The following SLC13A4 variants were observed in gnomAD, a reference collection of about 807,000 sequenced individuals.
SLC13A4 encodes solute carrier family 13 member 4.
In SLC13A4, 28 loss-of-function variants were observed where a neutral mutation model predicts 72.7. That is an observed-to-expected ratio of 0.39 (90% CI 0.29 to 0.53). The LOEUF is 0.53. Among genes scored for constraint, SLC13A4 ranks in the 20% least tolerant of loss-of-function variants. The probability of loss-of-function intolerance (pLI) is 0.78; values close to 1 mark genes in which losing one functional copy is unlikely to be tolerated. For missense variants in SLC13A4, 653 were observed against 788.0 expected (o/e 0.83, Z 2.05); for synonymous variants, 312 against 325.5 (o/e 0.96, Z 0.45).
In SLC13A4 at chr7:135,691,376, G is replaced by A. The variant is rs779657615; in HGVS notation, c.1322-51C>T. ...AGATAAACCCTGATGGACGTGATTT[G>A]TGGAGACAGGAGCCTAATTGGTGAA... On this transcript the variant is annotated intron_variant, in intron 12 of 15. Coordinates refer to ENST00000682651, the MANE Select transcript of SLC13A4 (RefSeq NM_001318192.2). 3.8e-6 allele frequency: 6 copies of A among 1,584,214 alleles called. No homozygotes were observed. In the Admixed American group the frequency reaches 5.2e-5, roughly 14 times the overall value.
chr7:135,683,203 G>C (rs1795543208), intron 15 of SLC13A4: 2 of 209,138 alleles, frequency 9.6e-6, no homozygotes, highest in Admixed American at 1.4e-4. Context: ...GGAGGTTGAG[G>C]CATGAGAATC....
intron 15 of SLC13A4, among the ~76,000 whole-genome samples, chr7:135,682,916 C>T (rs920770852): frequency 1.3e-5 from 2 of 152,028 alleles, no homozygotes; most frequent in African/African-American, 4.8e-5. Context: ...GAGGGTTACG[C>T]AGTAAGATGG....
intron 2 of SLC13A4, among the ~76,000 whole-genome samples, chr7:135,711,100 TG>T (rs1796290418): frequency 6.6e-6 from 1 of 152,194 alleles, no homozygotes; most frequent in South Asian, 2.1e-4. Context: ...TCTCACTGCC[TG>T]GTTACTTTCC....
At chr7:135,724,500 G>GAAAAAAAAAAAAAAAAAAAAAAA (rs5887740) in intron 1 of SLC13A4, among the ~76,000 whole-genome samples, 1 of 94,476 alleles carries the variant, frequency 1.1e-5, no homozygotes, top group African/African-American at 4.0e-5. Flanking sequence ...CTCTGTCTCA[G>GAAAAAAAAAAAAAAAAAAAAAAA]AAAAAAAAAA....
intron 14 of SLC13A4, 39 bp from the exon 15 acceptor site, chr7:135,684,300 G>A: frequency 4.5e-6 from 7 of 1,566,092 alleles, no homozygotes; most frequent in South Asian, 2.4e-5. Context: ...ACGAGATTAG[G>A]CTTGCATTTC....
chr7:135,724,035 C>G (rs1374986691), intron 1 of SLC13A4, among the ~76,000 whole-genome samples: 5 of 152,192 alleles, frequency 3.3e-5, no homozygotes, highest in African/African-American at 9.7e-5. Context: ...GGGAAAGAGA[C>G]AGAGTGGCAG....
intron 11 of SLC13A4, 79 bp from the exon 12 acceptor site, chr7:135,691,724 C>A (rs764921589): frequency 3.1e-6 from 3 of 955,812 alleles, no homozygotes; most frequent in South Asian, 1.4e-5. Context: ...GCAGTCTGTC[C>A]GAACACAGTG....
At chr7:135,710,425 A>G (rs1248446059) in intron 2 of SLC13A4, among the ~76,000 whole-genome samples, 1 of 152,180 alleles carries the variant, frequency 6.6e-6, no homozygotes, top group Non-Finnish European at 1.5e-5. Flanking sequence ...AAAAAGAAAA[A>G]ATCTTCATCT....
At chr7:135,705,687 G>A (rs1796144698) in intron 4 of SLC13A4, 37 bp from the exon 5 acceptor site, 1 of 1,598,872 alleles carries the variant, frequency 6.3e-7, no homozygotes, top group African/African-American at 1.3e-5. Flanking sequence ...GTGAGAGGTG[G>A]AGGCTGGGGC....
chr7:135,682,775 C>G (rs1183304090), intron 15 of SLC13A4, among the ~76,000 whole-genome samples: 1 of 152,198 alleles, frequency 6.6e-6, no homozygotes, highest in African/African-American at 2.4e-5. Flanking sequence ...TTCTTGTCAC[C>G]TGGTACCTTT....
intron 13 of SLC13A4, among the ~76,000 whole-genome samples, chr7:135,687,046 G>T (rs1283022703): frequency 1.3e-5 from 2 of 152,110 alleles, no homozygotes; most frequent in Non-Finnish European, 2.9e-5. Context: ...GACAGAGTGA[G>T]ACTCTGTCTC....
At chr7:135,709,096 AT>A (rs527801909) in intron 2 of SLC13A4, among the ~76,000 whole-genome samples, 1 of 150,972 alleles carries the variant, frequency 6.6e-6, no homozygotes, top group East Asian at 1.9e-4. Context: ...TGCCTGGCTA[AT>A]TTTTTTTGTA....
At position 135,685,660 on chromosome 7, in the gene SLC13A4, A is replaced by T; in HGVS notation, c.1470T>A (p.Ile490=). ...GSKSSGLSTW[I]GNQMLSLSSL... ...TGCTCAGGGACAACATCTGGTTCCC[A>T]ATCCATGTAGAGAGGCCAGAGCTCT... is the stretch of plus-strand genomic sequence containing the variant. Residue 490 remains isoleucine (I), a synonymous_variant, in exon 14 of 16, where the codon ATT becomes ATA. Transcript: ENST00000682651. 1 of 1,614,210 alleles carries T rather than the reference A, an allele frequency of 6.2e-7. No homozygotes were observed. The highest frequency in any genetic ancestry group is 8.5e-7 in the Non-Finnish European group (1 of 1,180,020).
chr7:135,721,354 G>A (rs1469311529), intron 2 of SLC13A4, 41 bp downstream of exon 2: 6 of 1,610,482 alleles, frequency 3.7e-6, no homozygotes, highest in Non-Finnish European at 5.1e-6. Context: ...CAGGGGCCCT[G>A]CAGGGACCCA....
rs142814334 is a variant in SLC13A4 at position 135,706,473 on chromosome 7, G to A, written c.366-173C>T. ...CTGTACTCCCAATGCTTGGCACAGC[G>A]TAAGTATTAAAGCAATACTTCTTGA... On this transcript the variant is annotated intron_variant, in intron 3 of 15. Transcript: ENST00000682651. Among the ~76,000 whole-genome samples, 17 of 152,332 alleles carry A rather than the reference G, an allele frequency of 1.1e-4. No individual in the cohort carries two copies. The South Asian group carries it at 2.5e-3, about 22-fold the overall frequency.
At chr7:135,722,256 A>AC (rs1164912288) in intron 1 of SLC13A4, among the ~76,000 whole-genome samples, 67 of 88,016 alleles carry the variant, frequency 7.6e-4, no homozygotes, top group African/African-American at 1.2e-3. Flanking sequence ...GCTGTCTCAA[A>AC]AAAACAAGCA....
At chr7:135,695,834 G>C (rs1339584730) in intron 8 of SLC13A4, among the ~76,000 whole-genome samples, 1 of 152,204 alleles carries the variant, frequency 6.6e-6, no homozygotes, top group Non-Finnish European at 1.5e-5. Flanking sequence ...AAATGGAACA[G>C]CTTGGTATAC....
At position 135,728,022 on chromosome 7, in the gene SLC13A4, C is replaced by T. The variant is rs761734474; in HGVS notation, c.-526G>A. 3 of 152,346 alleles carry T rather than the reference C, an allele frequency of 2.0e-5. No homozygotes were observed. Among genetic ancestry groups the T allele is most frequent in the Admixed American group, 2.0e-4 (3 of 15,280 alleles). The allele number at this position is 152,346 out of a possible 1,614,324, so 9.4% of individuals were successfully genotyped here. A position where few individuals can be genotyped will look rare whatever the true frequency, so the allele number is the denominator to read the frequency against. On this transcript the variant is annotated 5_prime_UTR_variant, in exon 1 of 16. Coordinates refer to ENST00000682651, the MANE Select transcript of SLC13A4 (RefSeq NM_001318192.2). ...CTCGCTGTTGGTAAGACTCTAGTAG[C>T]CCCTTTCCTTAAAACAAGCACCTGA...
intron 2 of SLC13A4, among the ~76,000 whole-genome samples, chr7:135,709,415 C>CCTTTT (rs1554478206): frequency 3.7e-5 from 2 of 54,652 alleles, no homozygotes; most frequent in African/African-American, 1.1e-4. Flanking sequence ...TCCTTTCTTT[C>CCTTTT]TTTTTTTTTT....
Sources: allele counts gnomAD v4.1 joint callset (sites outside exome capture counted in the v4.1 genomes callset), GRCh38; gene constraint gnomAD v4.1.1; transcripts MANE v1.5; gene names NCBI Gene and HGNC (gene_info 2026-07-23, HGNC 2026-07-21).